The following NBEA variants were observed in gnomAD, a reference collection of about 807,000 sequenced individuals.
The protein encoded by NBEA is neurobeachin.
A neutral mutation model predicts 343.4 loss-of-function variants in NBEA; 44 were observed. That is an observed-to-expected ratio of 0.13 (90% CI 0.10 to 0.16). NBEA has a LOEUF of 0.16. NBEA is among the 10% of genes least tolerant of loss of function. The probability of loss-of-function intolerance (pLI) is 1.00; values close to 1 mark genes in which losing one functional copy is unlikely to be tolerated. For missense variants in NBEA, 2,555 were observed against 3,631.3 expected, an observed-to-expected ratio of 0.70 and a Z score of 7.62; for synonymous variants, 1,175 against 1,238.7, an observed-to-expected ratio of 0.95 and a Z score of 1.08.
intron 41 of NBEA, among the ~76,000 whole-genome samples, chr13:35,517,081 T>G (rs916282279): frequency 6.6e-6 from 1 of 152,216 alleles, no homozygotes; most frequent in African/African-American, 2.4e-5. Flanking sequence ...GTTTTAGATC[T>G]CCAAATGTCT....
chr13:35,154,584 T>C (rs928794073), intron 18 of NBEA, among the ~76,000 whole-genome samples: 1 of 152,188 alleles, frequency 6.6e-6, no homozygotes, highest in Admixed American at 6.5e-5. Context: ...TATTCTTTAA[T>C]TTAACAAATA....
chr13:35,587,767 C>G (rs1414768322), intron 46 of NBEA, among the ~76,000 whole-genome samples: 1 of 152,118 alleles, frequency 6.6e-6, no homozygotes, highest in Non-Finnish European at 1.5e-5. Flanking sequence ...AATCATAACT[C>G]AGAATTTATT....
intron 38 of NBEA, among the ~76,000 whole-genome samples, chr13:35,429,006 T>C (rs1159937258): frequency 6.6e-6 from 1 of 152,150 alleles, no homozygotes; most frequent in African/African-American, 2.4e-5. Flanking sequence ...CCTGTCCCCA[T>C]GTGATGTCCA....
At chr13:35,470,619 G>A (rs7321388) in intron 40 of NBEA, among the ~76,000 whole-genome samples, 137,319 of 152,198 alleles carry the variant, frequency 0.9, 63,096 homozygotes, top group Non-Finnish European at 0.98. Flanking sequence ...CTTGCCCCAA[G>A]CAAGAGTAAA....
At chr13:34,970,586 A>G (rs2059966941) in intron 1 of NBEA, among the ~76,000 whole-genome samples, 2 of 152,250 alleles carry the variant, frequency 1.3e-5, no homozygotes, top group Admixed American at 6.5e-5. Context: ...TCCAGTTTCC[A>G]TCTTCTGCAT....
intron 30 of NBEA, chr13:35,186,504 T>C (rs2152733987): frequency 6.6e-6 from 1 of 152,300 alleles, no homozygotes; most frequent in South Asian, 2.1e-4. Flanking sequence ...TTATTTTAAC[T>C]ATACAAAATG....
chr13:35,542,124 A>G (rs964584455), intron 41 of NBEA, among the ~76,000 whole-genome samples: 1 of 138,032 alleles, frequency 7.2e-6, no homozygotes, highest in African/African-American at 2.7e-5. Context: ...GGCTGCCTAT[A>G]TTTCCCCCAA....
chr13:34,980,816 C>T (rs550224623), intron 1 of NBEA, among the ~76,000 whole-genome samples: 1 of 151,862 alleles, frequency 6.6e-6, no homozygotes, highest in Non-Finnish European at 1.5e-5. Flanking sequence ...GAGTTTATAC[C>T]ATCTGAATTT....
At chr13:35,300,097 A>T (rs2036438000) in intron 35 of NBEA, among the ~76,000 whole-genome samples, 1 of 152,132 alleles carries the variant, frequency 6.6e-6, no homozygotes, top group Non-Finnish European at 1.5e-5. Flanking sequence ...CTCTCCTTTC[A>T]ATATTTTATC....
chr13:35,304,224 G>A (rs1182373481), intron 35 of NBEA, among the ~76,000 whole-genome samples: 1 of 152,052 alleles, frequency 6.6e-6, no homozygotes, highest in Non-Finnish European at 1.5e-5. Context: ...TAAAAAAAGA[G>A]CAACTCAGGC....
intron 38 of NBEA, among the ~76,000 whole-genome samples, chr13:35,359,733 T>C (rs1358863498): frequency 6.6e-6 from 1 of 152,144 alleles, no homozygotes; most frequent in Admixed American, 6.6e-5. Context: ...TTTAGCTTTT[T>C]GGATATTTCC....
chr13:35,083,989 A>G (rs1234101515), intron 10 of NBEA, among the ~76,000 whole-genome samples: 1 of 152,184 alleles, frequency 6.6e-6, no homozygotes, highest in African/African-American at 2.4e-5. Flanking sequence ...AGGCCATTAC[A>G]TAATGGTAAA....
chr13:35,475,634 G>C, intron 41 of NBEA: 1 of 1,613,678 alleles, frequency 6.2e-7, no homozygotes, highest in Non-Finnish European at 8.5e-7. Flanking sequence ...GGCGTGATCT[G>C]CACCACGTAC....
chr13:35,641,904 C>A (rs1233374589), intron 49 of NBEA, among the ~76,000 whole-genome samples: 1 of 151,852 alleles, frequency 6.6e-6, no homozygotes, highest in African/African-American at 2.4e-5. Flanking sequence ...TTATCTTAAA[C>A]CTTAAAAAAT....
chr13:35,587,042 G>A (rs147921284), intron 46 of NBEA, among the ~76,000 whole-genome samples: 6 of 152,204 alleles, frequency 3.9e-5, no homozygotes, highest in Admixed American at 6.5e-5. Context: ...AATTGGATTC[G>A]CTGATCACCA....
chr13:35,092,699 T>C (rs1450522293), intron 10 of NBEA, among the ~76,000 whole-genome samples: 1 of 152,056 alleles, frequency 6.6e-6, no homozygotes, highest in Non-Finnish European at 1.5e-5. Context: ...GCTGTTGTGC[T>C]AAATACTGGC....
At chr13:35,437,825 T>A (rs2045523374) in intron 39 of NBEA, among the ~76,000 whole-genome samples, 1 of 152,164 alleles carries the variant, frequency 6.6e-6, no homozygotes, top group South Asian at 2.1e-4. Flanking sequence ...AAAGGAGGGT[T>A]TTGTATATTG....
At chr13:35,360,513 G>A (rs1258137305) in intron 38 of NBEA, among the ~76,000 whole-genome samples, 1 of 151,998 alleles carries the variant, frequency 6.6e-6, no homozygotes, top group Non-Finnish European at 1.5e-5. Context: ...GTTTCTCAAG[G>A]ACAGACAGTT....
At chr13:35,341,105 T>G (rs939136067) in intron 36 of NBEA, among the ~76,000 whole-genome samples, 3 of 152,172 alleles carry the variant, frequency 2.0e-5, no homozygotes, top group African/African-American at 4.8e-5. Flanking sequence ...GGTCAATTTA[T>G]TTTCAACAAG....
Sources: gnomAD v4.1 joint callset for allele counts (sites outside exome capture counted in the v4.1 genomes callset) on GRCh38, gnomAD v4.1.1 for gene constraint, MANE v1.5 for transcripts, NCBI Gene and HGNC (gene_info 2026-07-23, HGNC 2026-07-21) for gene names.